Variants in TTC29 observed in about 807,000 individuals in gnomAD.
TTC29 encodes tetratricopeptide repeat protein 29.
A neutral mutation model predicts 58.1 loss-of-function variants in TTC29; 49 were observed. The ratio of observed to expected loss-of-function variants is 0.84; its 90% CI spans 0.67 to 1.07. The LOEUF (loss-of-function observed/expected upper bound fraction) is 1.07. Among genes scored for constraint, TTC29 ranks in the 50% least tolerant of loss-of-function variants. The pLI is 0.00. For synonymous variants in TTC29, 209 were observed against 196.8 expected (o/e 1.06, Z -0.52); for missense variants, 582 against 555.6 (o/e 1.05, Z -0.48).
chr4:146,803,306 A>T (rs973161252), intron 11 of TTC29, 151 bp downstream of exon 11: 6 of 615,246 alleles, frequency 9.8e-6, no homozygotes, highest in Non-Finnish European at 1.4e-5. Flanking sequence ...GCACAAAAGT[A>T]TATCCAACCT....
At chr4:146,802,008 A>AG (rs1410666896) in intron 11 of TTC29, among the ~76,000 whole-genome samples, 31 of 143,340 alleles carry the variant, frequency 2.2e-4, no homozygotes, top group South Asian at 6.5e-4. Flanking sequence ...AAAAAAAAAA[A>AG]AGAGACTTTT....
chr4:146,880,395 C>T (rs1731546987), intron 6 of TTC29, among the ~76,000 whole-genome samples: 1 of 152,064 alleles, frequency 6.6e-6, no homozygotes, highest in South Asian at 2.1e-4. Context: ...TTTACTTTAT[C>T]TAAAGCCCAC....
intron 11 of TTC29, among the ~76,000 whole-genome samples, chr4:146,783,290 G>T (rs1748756569): frequency 6.6e-6 from 1 of 150,860 alleles, no homozygotes; most frequent in African/African-American, 2.4e-5. Context: ...CCTTTCTCAT[G>T]TGTCTCTTGT....
chr4:146,882,122 T>C (rs1235724685), intron 6 of TTC29, among the ~76,000 whole-genome samples: 2 of 152,054 alleles, frequency 1.3e-5, no homozygotes, highest in South Asian at 4.1e-4. Flanking sequence ...TAAAAGTTCA[T>C]TTTTTTAAAT....
chr4:146,937,551 G>T, intron 4 of TTC29, 43 bp downstream of exon 4: 1 of 1,257,584 alleles, frequency 8.0e-7, no homozygotes, highest in Non-Finnish European at 1.1e-6. Flanking sequence ...CAAGACAAAA[G>T]AAACAAACTT....
At chr4:146,777,001 G>A (rs948685598) in intron 11 of TTC29, among the ~76,000 whole-genome samples, 1 of 152,134 alleles carries the variant, frequency 6.6e-6, no homozygotes, top group African/African-American at 2.4e-5. Context: ...CACACTGGCG[G>A]TGGTGGTGGC....
intron 4 of TTC29, among the ~76,000 whole-genome samples, chr4:146,916,139 AT>A (rs1460953452): frequency 6.6e-6 from 1 of 151,826 alleles, no homozygotes; most frequent in Non-Finnish European, 1.5e-5. Context: ...GTGAATCACT[AT>A]TCTTACCTAT....
At chr4:146,813,310 C>G (rs952209748) in intron 10 of TTC29, among the ~76,000 whole-genome samples, 7 of 152,180 alleles carry the variant, frequency 4.6e-5, no homozygotes, top group Non-Finnish European at 1.0e-4. Context: ...ATCTTATAAA[C>G]CTAGTTATTT....
intron 11 of TTC29, among the ~76,000 whole-genome samples, chr4:146,708,551 G>A (rs944434566): frequency 1.3e-5 from 2 of 150,954 alleles, no homozygotes; most frequent in Non-Finnish European, 3.0e-5. Context: ...AGAGAGCCAT[G>A]TTAATTTGTT....
chr4:146,733,002 C>T (rs1332722525), intron 11 of TTC29, among the ~76,000 whole-genome samples: 1 of 152,138 alleles, frequency 6.6e-6, no homozygotes, highest in East Asian at 1.9e-4. Flanking sequence ...CTTCAATTAG[C>T]ACAAGGCAGC....
At chr4:146,794,259 GTGATCAAATTATAAT>G (rs1749675477) in intron 11 of TTC29, among the ~76,000 whole-genome samples, 1 of 152,082 alleles carries the variant, frequency 6.6e-6, no homozygotes, top group African/African-American at 2.4e-5. Flanking sequence ...GAATATTCCT[GTGATCAAATTATAAT>G]AGCCTGCTCA....
rs568907204 is a variant in TTC29, at chr4:146,727,525, C to T, written c.1331-19974G>A. On this transcript the variant is annotated intron_variant, in intron 11 of 12. Coordinates refer to ENST00000325106, the MANE Select transcript of TTC29 (RefSeq NM_031956.4). ...ATTAATCTTTCCCTCCCTGAAACCACCGATTTTTGAAAATCTTTTCCATAG... is the reference window on the plus strand; with the variant it reads ...ATTAATCTTTCCCTCCCTGAAACCATCGATTTTTGAAAATCTTTTCCATAG... 8.5e-5 allele frequency among the ~76,000 whole-genome samples: 13 copies of T among 152,344 alleles called. No individual in the cohort carries two copies. In the South Asian group the frequency reaches 2.1e-3, roughly 24 times the overall value.
At chr4:146,867,431 A>G in intron 8 of TTC29, 67 bp downstream of exon 8, 1 of 787,016 alleles carries the variant, frequency 1.3e-6, no homozygotes, top group Non-Finnish European at 1.9e-6. Context: ...GTAATAACAT[A>G]TAGGAAAATA....
intron 9 of TTC29, among the ~76,000 whole-genome samples, chr4:146,822,404 A>G (rs563361838): frequency 7.5e-4 from 115 of 152,322 alleles, no homozygotes; most frequent in African/African-American, 2.7e-3. Flanking sequence ...TGTCCCCACA[A>G]AGCACATGAT....
At chr4:146,926,126 G>A (rs957301987) in intron 4 of TTC29, among the ~76,000 whole-genome samples, 12 of 152,108 alleles carry the variant, frequency 7.9e-5, no homozygotes, top group African/African-American at 2.9e-4. Flanking sequence ...ACTTAACGAG[G>A]ATATAATATT....
chr4:146,922,810 C>A (rs1193146705), intron 4 of TTC29, among the ~76,000 whole-genome samples: 2 of 151,680 alleles, frequency 1.3e-5, no homozygotes, highest in African/African-American at 4.8e-5. Flanking sequence ...ATAGAAGAGG[C>A]TTTAACATTA....
intron 8 of TTC29, among the ~76,000 whole-genome samples, chr4:146,846,304 A>G (rs1208245366): frequency 6.6e-6 from 1 of 152,188 alleles, no homozygotes; most frequent in African/African-American, 2.4e-5. Context: ...TCACATTCTC[A>G]GACAAATAAA....
At chr4:146,813,238 C>T (rs12511968) in intron 10 of TTC29, among the ~76,000 whole-genome samples, 9,591 of 152,196 alleles carry the variant, frequency 0.063, 403 homozygotes, top group Admixed American at 0.13. Context: ...ATAATTTTAG[C>T]GTTGGAACCA....
At chr4:146,895,847 T>A (rs2150257192) in intron 6 of TTC29, among the ~76,000 whole-genome samples, 1 of 152,302 alleles carries the variant, frequency 6.6e-6, no homozygotes, top group South Asian at 2.1e-4. Flanking sequence ...GTTTTGAAGG[T>A]CTTTCTCATC....
Sources: allele counts gnomAD v4.1 joint callset (sites outside exome capture counted in the v4.1 genomes callset), GRCh38; gene constraint gnomAD v4.1.1; transcripts MANE v1.5; gene names NCBI Gene and HGNC (gene_info 2026-07-23, HGNC 2026-07-21).